The following DLGAP2 variants were observed in gnomAD, a reference collection of about 807,000 sequenced individuals.
The protein encoded by DLGAP2 is DLG associated protein 2.
A neutral mutation model predicts 100.3 loss-of-function variants in DLGAP2; 26 were observed. The observed-to-expected ratio is 0.26, with a 90% confidence interval of 0.19 to 0.36. The LOEUF (loss-of-function observed/expected upper bound fraction) is 0.36. DLGAP2 is among the 10% of genes least tolerant of loss of function. The probability of loss-of-function intolerance (pLI) is 1.00; values close to 1 mark genes in which losing one functional copy is unlikely to be tolerated. For synonymous variants in DLGAP2, 886 were observed against 630.1 expected (o/e 1.41, Z -6.08); for missense variants, 1,858 against 1,453.2 (o/e 1.28, Z -4.53).
In DLGAP2 at chr8:1,539,966, C is replaced by T. The variant is rs543147344; in HGVS notation, c.173-8660C>T. Among the ~76,000 whole-genome samples, 4 of 152,314 alleles carry T rather than the reference C, an allele frequency of 2.6e-5. 1 individual carries two copies. The South Asian group carries it at 8.3e-4, about 32-fold the overall frequency. On this transcript the variant is annotated intron_variant, in intron 4 of 14. Transcript: ENST00000637795. Reference sequence around the variant, plus strand: ...TCCCATCTCTTCTCTGCTCCTATGGCCTCCAGACTCAGAAGCCCAGCAAAG... The same window carrying T: ...TCCCATCTCTTCTCTGCTCCTATGGTCTCCAGACTCAGAAGCCCAGCAAAG...
chr8:1,091,626 CTG>C (rs1297768175), intron 2 of DLGAP2, among the ~76,000 whole-genome samples: 1 of 152,190 alleles, frequency 6.6e-6, no homozygotes, highest in Non-Finnish European at 1.5e-5. Context: ...GTCATTATCT[CTG>C]TGTTAAATGG....
At chr8:1,351,320 A>C (rs374623612) in intron 3 of DLGAP2, among the ~76,000 whole-genome samples, 134 of 56,750 alleles carry the variant, frequency 2.4e-3, no homozygotes, top group South Asian at 7.2e-3. Flanking sequence ...GTGTGTGGAA[A>C]GGCCGTGCGG....
chr8:980,015 A>G (rs1800283032), intron 2 of DLGAP2, among the ~76,000 whole-genome samples: 1 of 152,194 alleles, frequency 6.6e-6, no homozygotes, highest in Admixed American at 6.5e-5. Context: ...AGGACTTGGC[A>G]ACTGTTCAAA....
chr8:1,287,131 C>CGT (rs33910191), intron 3 of DLGAP2, among the ~76,000 whole-genome samples: 10,497 of 136,824 alleles, frequency 0.077, 821 homozygotes, highest in African/African-American at 0.12. Flanking sequence ...TTCGGTTCAG[C>CGT]GTGTGTGTGT....
At chr8:1,525,753 G>C (rs754371833) in intron 4 of DLGAP2, among the ~76,000 whole-genome samples, 26 of 152,222 alleles carry the variant, frequency 1.7e-4, no homozygotes, top group Middle Eastern at 3.2e-3. Flanking sequence ...TGTGGTGTTG[G>C]GCAGTGATGG....
At chr8:1,120,509 C>T (rs1000555425) in intron 2 of DLGAP2, among the ~76,000 whole-genome samples, 12 of 152,018 alleles carry the variant, frequency 7.9e-5, no homozygotes, top group Non-Finnish European at 1.5e-4. Flanking sequence ...ACCCATCCTT[C>T]GGAACCCACA....
At chr8:858,541 G>A (rs1321639569) in intron 1 of DLGAP2, among the ~76,000 whole-genome samples, 1 of 150,020 alleles carries the variant, frequency 6.7e-6, no homozygotes, top group Non-Finnish European at 1.5e-5. Context: ...GTGTAATGCT[G>A]TCACCGTGGG....
At chr8:1,473,536 T>C (rs1798856480) in intron 3 of DLGAP2, among the ~76,000 whole-genome samples, 2 of 152,226 alleles carry the variant, frequency 1.3e-5, no homozygotes, top group African/African-American at 4.8e-5. Context: ...GCATCTGTGG[T>C]TTCCAGGGGC....
At position 1,084,791 on chromosome 8, in the gene DLGAP2, G is replaced by C. The variant is rs114617037; in HGVS notation, c.74-174060G>C. On this transcript the variant is annotated intron_variant, in intron 2 of 14. Coordinates refer to ENST00000637795, the MANE Select transcript of DLGAP2 (RefSeq NM_001346810.2). Reference sequence around the variant, plus strand: ...ATTCGTTGCTCCCTTGATGGACACAGGTTGATTCCATGTCTTGGACATTGT... The same window carrying C: ...ATTCGTTGCTCCCTTGATGGACACACGTTGATTCCATGTCTTGGACATTGT... Among the ~76,000 whole-genome samples the C allele has an allele frequency of 6.0e-3, 917 of 152,286 alleles. 13 individuals carry two copies. Among genetic ancestry groups the C allele is most frequent in the African/African-American group, 0.02 (836 of 41,552 alleles).
chr8:919,929 C>T (rs1321192335), intron 2 of DLGAP2, among the ~76,000 whole-genome samples: 1 of 152,224 alleles, frequency 6.6e-6, no homozygotes, highest in East Asian at 1.9e-4. Flanking sequence ...CTCCCTTCCA[C>T]CCCATGTCTA....
At chr8:1,189,970 C>G (rs1167713298) in intron 2 of DLGAP2, among the ~76,000 whole-genome samples, 1 of 152,136 alleles carries the variant, frequency 6.6e-6, no homozygotes, top group Non-Finnish European at 1.5e-5. Flanking sequence ...GAGATTGCAG[C>G]AAATTCTTAA....
intron 2 of DLGAP2, among the ~76,000 whole-genome samples, chr8:1,205,674 A>G (rs1363357581): frequency 6.6e-6 from 1 of 152,158 alleles, no homozygotes; most frequent in Non-Finnish European, 1.5e-5. Context: ...AAGGCTGGAC[A>G]GGTAGAGGTG....
At chr8:790,123 G>A (rs1821989029) in intron 1 of DLGAP2, among the ~76,000 whole-genome samples, 1 of 152,158 alleles carries the variant, frequency 6.6e-6, no homozygotes, top group South Asian at 2.1e-4. Context: ...GAGGAGAAAA[G>A]GTCACCTTGG....
chr8:1,367,673 G>A (rs1802138261), intron 3 of DLGAP2, among the ~76,000 whole-genome samples: 1 of 152,240 alleles, frequency 6.6e-6, no homozygotes, highest in South Asian at 2.1e-4. Flanking sequence ...TGGAAACTAT[G>A]CTACGTCTTA....
At chr8:1,453,701 C>T (rs775624404) in intron 3 of DLGAP2, among the ~76,000 whole-genome samples, 13 of 152,256 alleles carry the variant, frequency 8.5e-5, no homozygotes, top group Non-Finnish European at 1.5e-4. Context: ...CGGGAGAATC[C>T]GCCCCATCAA....
chr8:1,116,626 T>C (rs1805125956), intron 2 of DLGAP2, among the ~76,000 whole-genome samples: 2 of 151,996 alleles, frequency 1.3e-5, no homozygotes, highest in Non-Finnish European at 2.9e-5. Flanking sequence ...CAAAACCCCA[T>C]CTCTACAAAA....
chr8:1,285,916 C>G (rs1002497955), intron 3 of DLGAP2, among the ~76,000 whole-genome samples: 1 of 152,240 alleles, frequency 6.6e-6, no homozygotes, highest in Non-Finnish European at 1.5e-5. Context: ...TGTGATTGCA[C>G]CACTGCCGTC....
At chr8:1,127,737 C>T (rs1796200605) in intron 2 of DLGAP2, among the ~76,000 whole-genome samples, 1 of 152,196 alleles carries the variant, frequency 6.6e-6, no homozygotes. Flanking sequence ...TTCAAGAAAA[C>T]ACTAAGGCCC....
At chr8:1,177,146 C>T (rs140085408) in intron 2 of DLGAP2, among the ~76,000 whole-genome samples, 80 of 152,304 alleles carry the variant, frequency 5.3e-4, no homozygotes, top group Middle Eastern at 3.4e-3. Context: ...AGTGGACGCA[C>T]GCACGCCCAG....
Sources: allele counts gnomAD v4.1 joint callset (sites outside exome capture counted in the v4.1 genomes callset), GRCh38; gene constraint gnomAD v4.1.1; transcripts MANE v1.5; gene names NCBI Gene and HGNC (gene_info 2026-07-23, HGNC 2026-07-21).